The following OSMR variants were observed in gnomAD, a reference collection of about 807,000 sequenced individuals.
OSMR encodes oncostatin-M-specific receptor subunit beta.
In OSMR, 81 loss-of-function variants were observed where a neutral mutation model predicts 99.9. That is an observed-to-expected ratio of 0.81 (90% CI 0.68 to 0.97). The LOEUF (loss-of-function observed/expected upper bound fraction) is 0.97. Among genes scored for constraint, OSMR ranks in the 50% least tolerant of loss-of-function variants. OSMR has a pLI of 0.00. For synonymous variants in OSMR, 406 were observed against 410.4 expected, an observed-to-expected ratio of 0.99 and a Z score of 0.13; for missense variants, 1,099 against 1,153.4, an observed-to-expected ratio of 0.95 and a Z score of 0.68.
At position 38,863,890 on chromosome 5, in the gene OSMR, A is replaced by G. The variant is rs533777792; in HGVS notation, c.-13-5142A>G. Among the ~76,000 whole-genome samples, 29 of 151,956 alleles carry G rather than the reference A, an allele frequency of 1.9e-4. No individual in the cohort carries two copies. In the East Asian group the frequency reaches 5.4e-3, roughly 28 times the overall value. ...GGTATTTTTTAGATCTTCTTGCTGA[A>G]TTGAGCCCTTTATTACATATAACAA... is the stretch of plus-strand genomic sequence containing the variant. On this transcript the variant is annotated intron_variant, in intron 1 of 17. Coordinates refer to ENST00000274276, the MANE Select transcript of OSMR (RefSeq NM_003999.3).
rs1036895362 is a variant in OSMR at position 38,856,092 on chromosome 5, C to T, written c.-14+9705C>T. On this transcript the variant is annotated intron_variant, in intron 1 of 17. Coordinates refer to ENST00000274276, the MANE Select transcript of OSMR (RefSeq NM_003999.3). ...TCGTTGTGTTAGTCAGGGTCCCATC[C>T]ATCAGGAAACAGTTGGCACACTTGG... Among the ~76,000 whole-genome samples the T allele has an allele frequency of 1.9e-4, 29 of 152,290 alleles. 1 individual carries two copies. The highest frequency in any genetic ancestry group is 1.5e-3 in the South Asian group (7 of 4,824).
intron 10 of OSMR, among the ~76,000 whole-genome samples, chr5:38,917,881 C>T (rs1746006267): frequency 6.6e-6 from 1 of 151,756 alleles, no homozygotes; most frequent in Non-Finnish European, 1.5e-5. Context: ...TTTGCAGGGC[C>T]CAGGGCAAAG....
intron 2 of OSMR, among the ~76,000 whole-genome samples, chr5:38,870,003 C>A (rs1347838385): frequency 1.3e-5 from 2 of 151,860 alleles, no homozygotes; most frequent in African/African-American, 4.8e-5. Flanking sequence ...AATTTCTCAT[C>A]TTTCTTGAAA....
At chr5:38,922,163 G>GATC (rs1746266260) in intron 12 of OSMR, among the ~76,000 whole-genome samples, 1 of 152,128 alleles carries the variant, frequency 6.6e-6, no homozygotes, top group Non-Finnish European at 1.5e-5. Context: ...GATGAGAATC[G>GATC]ATCATCAACT....
At chr5:38,874,115 G>A (rs1053002891) in intron 2 of OSMR, among the ~76,000 whole-genome samples, 1 of 152,078 alleles carries the variant, frequency 6.6e-6, no homozygotes, top group South Asian at 2.1e-4. Flanking sequence ...ATGTAGTATG[G>A]ATACTGGAAC....
chr5:38,900,421 CT>C (rs958246364), intron 7 of OSMR, among the ~76,000 whole-genome samples: 35 of 152,234 alleles, frequency 2.3e-4, no homozygotes, highest in African/African-American at 7.5e-4. Flanking sequence ...TATGAAGGTG[CT>C]TTTTTTCATA....
chr5:38,919,334 A>G (rs1746115072), intron 11 of OSMR: 1 of 1,405,508 alleles, frequency 7.1e-7, no homozygotes. Context: ...AATTTATTCA[A>G]GTAACTGCAA....
At position 38,934,567 on chromosome 5, in the gene OSMR, C is replaced by G. The variant is rs1462114964; in HGVS notation, c.*1123C>G. On this transcript the variant is annotated 3_prime_UTR_variant, in exon 18 of 18. Coordinates refer to ENST00000274276, the MANE Select transcript of OSMR (RefSeq NM_003999.3). ...TACATGTTGGTTCTTTTGGTGCAAT[C>G]TCAGCTCACTGCAGCTTCCGCCTCC... 6.6e-6 allele frequency: 1 copy of G among 152,178 alleles called. No individual in the cohort carries two copies. Among genetic ancestry groups the G allele is most frequent in the African/African-American group, 2.4e-5 (1 of 41,418 alleles). 9.4% of individuals were successfully genotyped at this position (152,178 alleles called of 1,614,324 possible).
chr5:38,928,942 T>TAAAG (rs765412083), intron 15 of OSMR, among the ~76,000 whole-genome samples: 15 of 152,324 alleles, frequency 9.8e-5, no homozygotes, highest in Non-Finnish European at 2.2e-4. Flanking sequence ...TTTAAATATG[T>TAAAG]ATTTTCTAAG....
chr5:38,921,596 T>C lies in OSMR; in HGVS notation c.1586-19T>C, dbSNP rs1746235871. The C allele has an allele frequency of 6.2e-7, 1 of 1,613,904 alleles. No individual in the cohort carries two copies. The highest frequency in any genetic ancestry group is 8.5e-7 in the Non-Finnish European group (1 of 1,179,944). ...CAGTTAATTAAATCTGGAGCATTGCTCTATTTGTTTATATACAGAAGAGGT... is the reference window on the plus strand; with the variant it reads ...CAGTTAATTAAATCTGGAGCATTGCCCTATTTGTTTATATACAGAAGAGGT... On this transcript the variant is annotated intron_variant, in intron 11 of 17. Transcript: ENST00000274276.
At chr5:38,940,601 AC>A (rs965416142), downstream of OSMR, 3 of 232,620 alleles carry the variant, frequency 1.3e-5, no homozygotes, top group African/African-American at 6.6e-5. Context: ...AATCTGAAGA[AC>A]CACTTTTCAA....
At chr5:38,920,634 T>A (rs960645764) in intron 11 of OSMR, among the ~76,000 whole-genome samples, 1 of 152,214 alleles carries the variant, frequency 6.6e-6, no homozygotes, top group African/African-American at 2.4e-5. Context: ...TGATGCCCTA[T>A]AAAAATGAAT....
intron 11 of OSMR, among the ~76,000 whole-genome samples, chr5:38,920,687 AG>A (rs2112647323): frequency 6.6e-6 from 1 of 152,346 alleles, no homozygotes; most frequent in East Asian, 1.9e-4. Flanking sequence ...TAGGATTGCC[AG>A]GTAAAATACA....
At chr5:38,913,484 AG>A (rs1314711406) in intron 9 of OSMR, among the ~76,000 whole-genome samples, 1 of 151,348 alleles carries the variant, frequency 6.6e-6, no homozygotes, top group Non-Finnish European at 1.5e-5. Context: ...CAGGAGGCGG[AG>A]CTTGCAGTGA....
downstream of OSMR, chr5:38,938,799 A>AAC (rs1747230964): frequency 4.3e-6 from 1 of 233,000 alleles, no homozygotes; most frequent in Admixed American, 5.6e-5. Context: ...TTAAGATAGT[A>AAC]ACAGTGTATT....
At chr5:38,915,733 C>T (rs901001333) in intron 9 of OSMR, among the ~76,000 whole-genome samples, 1 of 152,150 alleles carries the variant, frequency 6.6e-6, no homozygotes, top group African/African-American at 2.4e-5. Flanking sequence ...TCAAAGTAAA[C>T]ATTAAAAATA....
chr5:38,889,781 T>C (rs959680879), intron 7 of OSMR, among the ~76,000 whole-genome samples: 1 of 152,212 alleles, frequency 6.6e-6, no homozygotes, highest in African/African-American at 2.4e-5. Context: ...AATTAATTCT[T>C]TTTATTGTGT....
At position 38,861,833 on chromosome 5, in the gene OSMR, G is replaced by A. The variant is rs1204684941; in HGVS notation, c.-13-7199G>A. Among the ~76,000 whole-genome samples, 7 of 145,666 alleles carry A rather than the reference G, an allele frequency of 4.8e-5. No homozygotes were observed. In the South Asian group the frequency reaches 6.6e-4, roughly 14 times the overall value. On this transcript the variant is annotated intron_variant, in intron 1 of 17. Coordinates refer to ENST00000274276, the MANE Select transcript of OSMR (RefSeq NM_003999.3). ...CCAGTAGGGGCGGCTGGGCAGAGGCGCCCCTCACCTCACAGACGGGGCGGC... is the reference window on the plus strand; with the variant it reads ...CCAGTAGGGGCGGCTGGGCAGAGGCACCCCTCACCTCACAGACGGGGCGGC...
At chr5:38,916,756 T>G (rs144519468) in intron 9 of OSMR, among the ~76,000 whole-genome samples, 1 of 152,150 alleles carries the variant, frequency 6.6e-6, no homozygotes, top group African/African-American at 2.4e-5. Flanking sequence ...AAGAAAAGAT[T>G]GGGACATTGA....
Sources: allele counts gnomAD v4.1 joint callset (sites outside exome capture counted in the v4.1 genomes callset), GRCh38; gene constraint gnomAD v4.1.1; transcripts MANE v1.5; gene names NCBI Gene and HGNC (gene_info 2026-07-23, HGNC 2026-07-21).